RBM6: variants seen among roughly 807,000 people sequenced by gnomAD.
RBM6 encodes the protein RNA-binding protein 6.
A neutral mutation model predicts 140.4 loss-of-function variants in RBM6; 23 were observed. The observed-to-expected ratio is 0.16, with a 90% CI of 0.12 to 0.23. RBM6 has a LOEUF of 0.23. RBM6 is among the 10% of genes least tolerant of loss of function. The probability of loss-of-function intolerance (pLI) is 1.00; values close to 1 mark genes in which losing one functional copy is unlikely to be tolerated. For synonymous variants in RBM6, 439 were observed against 475.6 expected (o/e 0.92, Z 1.00); for missense variants, 1,139 against 1,386.7 (o/e 0.82, Z 2.84).
chr3:50,047,248 C>G (rs1278186669), intron 6 of RBM6: 3 of 984,890 alleles, frequency 3.0e-6, no homozygotes, highest in Middle Eastern at 5.2e-4. Flanking sequence ...ACTCAGAGCC[C>G]TGTCTGAGGA....
At chr3:50,053,536 G>GA (rs200999068) in intron 7 of RBM6, among the ~76,000 whole-genome samples, 4,588 of 134,044 alleles carry the variant, frequency 0.034, 265 homozygotes, top group African/African-American at 0.12. Flanking sequence ...CGTCTCAAAA[G>GA]AAAAAAAAAA....
intron 5 of RBM6, chr3:49,981,791 A>G (rs1390829263): frequency 1.3e-5 from 2 of 152,068 alleles, no homozygotes; most frequent in Non-Finnish European, 2.9e-5. Context: ...TCATTCACAC[A>G]GTGTTTCTGT....
chr3:49,975,750 G>A (rs1199646774), intron 5 of RBM6, among the ~76,000 whole-genome samples: 10 of 152,314 alleles, frequency 6.6e-5, no homozygotes, highest in South Asian at 4.1e-4. Context: ...CTTGTTGTAT[G>A]TAAAATTTTA....
chr3:50,062,262 T>C (rs1007471622), intron 15 of RBM6, among the ~76,000 whole-genome samples, 154 bp downstream of exon 15: 9 of 152,192 alleles, frequency 5.9e-5, no homozygotes, highest in African/African-American at 2.2e-4. Flanking sequence ...CCCAGCACTT[T>C]GGGAGGCCAA....
In RBM6 at chr3:49,968,136, C is replaced by T. The variant is rs373090659; in HGVS notation, c.711C>T (p.Gly237=). 1.9e-6 allele frequency: 3 copies of T among 1,613,894 alleles called. No individual in the cohort carries two copies. The highest frequency in any genetic ancestry group is 2.7e-5 in the African/African-American group (2 of 74,868). The change falls in exon 3 of 21, where the codon GGC becomes GGT. Residue 237 remains glycine (G), a synonymous_variant. Coordinates refer to ENST00000266022, the MANE Select transcript of RBM6 (RefSeq NM_005777.3). ...ACGGAACACAAGTAGACTTTAGAGG[C>T]CGAGGTTCAGGTACTACTGATCTAG... ...DKDGTQVDFR[G]RGSGTTDLDF... is the part of the protein sequence containing the mutation.
intron 6 of RBM6, among the ~76,000 whole-genome samples, chr3:50,022,685 A>G (rs1324892782): frequency 1.3e-5 from 2 of 152,032 alleles, no homozygotes; most frequent in African/African-American, 2.4e-5. Flanking sequence ...TTTACATTTG[A>G]TTATTAGTTA....
At chr3:49,973,991 G>A (rs372329364) in intron 4 of RBM6, among the ~76,000 whole-genome samples, 31 of 152,012 alleles carry the variant, frequency 2.0e-4, no homozygotes, top group Admixed American at 2.0e-4. Context: ...TCCGCCTCTC[G>A]GGTTCAAATG....
rs759710746 is a variant in RBM6, at chr3:49,968,556, G to C, written c.1131G>C (p.Glu377Asp). The C allele has an allele frequency of 6.2e-7, 1 of 1,614,058 alleles. No individual in the cohort carries two copies. Among genetic ancestry groups the C allele is most frequent in the Non-Finnish European group, 8.5e-7 (1 of 1,180,042 alleles). ...QDKSQLSGRE[E>D]QSSDAGLFKE... is the part of the protein sequence containing the mutation. ...AGTCACAGCTTTCTGGACGTGAAGA[G>C]CAGAGTTCAGATGCTGGTCTGTTTA... Residue 377 changes from glutamate to aspartate, a missense_variant, in exon 3 of 21, where the codon GAG becomes GAC. Glu to Asp is a conservative substitution (Grantham distance 45, BLOSUM62 2). This residue lies in a region of RBM6 where 566 missense variants were observed against 612.7 expected (regional missense o/e 0.92). Transcript: ENST00000266022.
At chr3:49,965,501 C>G (rs1002868979) in intron 2 of RBM6, among the ~76,000 whole-genome samples, 1 of 152,036 alleles carries the variant, frequency 6.6e-6, no homozygotes, top group Non-Finnish European at 1.5e-5. Context: ...AACCCCGCCT[C>G]TACAAAAAAT....
chr3:50,061,560 C>CTTTTTTTTTTTTTT lies in RBM6; in HGVS notation c.2439+24_2439+37dup, dbSNP rs10663019. 6.6e-5 allele frequency: 84 copies of CTTTTTTTTTTTTTT among 1,270,280 alleles called. No individual in the cohort carries two copies. The highest frequency in any genetic ancestry group is 6.1e-4 in the South Asian group (31 of 50,848). 78.7% of individuals were successfully genotyped at this position (1,270,280 alleles called of 1,614,324 possible). Reference sequence around the variant, plus strand: ...CCCCAATACCCAGGTGAGTTTGGGGCTTTTTTTTTTTTTTTTTTTTTTTTA... The same window carrying CTTTTTTTTTTTTTT: ...CCCCAATACCCAGGTGAGTTTGGGGCTTTTTTTTTTTTTTTTTTTTTTTTTTTTTTTTTTTTTTA... On this transcript the variant is annotated intron_variant, in intron 14 of 20. Coordinates refer to ENST00000266022, the MANE Select transcript of RBM6 (RefSeq NM_005777.3).
chr3:49,948,415 T>G (rs561109891), intron 1 of RBM6, among the ~76,000 whole-genome samples: 120 of 152,130 alleles, frequency 7.9e-4, no homozygotes, highest in Admixed American at 4.0e-3. Flanking sequence ...TTCCAGCTAC[T>G]CAGGAGGCTA....
chr3:50,025,080 GT>G (rs111449769), intron 6 of RBM6, among the ~76,000 whole-genome samples: 4,756 of 146,550 alleles, frequency 0.032, 80 homozygotes, highest in Non-Finnish European at 0.04. Context: ...TGGACTGTGG[GT>G]TTTTTTTTTT....
At chr3:49,975,469 A>G in intron 5 of RBM6, 77 bp downstream of exon 5, 1 of 1,265,364 alleles carries the variant, frequency 7.9e-7, no homozygotes, top group Non-Finnish European at 1.1e-6. Context: ...GCTACTTAAA[A>G]TTTGTTTCAA....
At chr3:49,989,206 A>G (rs1481771126) in intron 5 of RBM6, among the ~76,000 whole-genome samples, 1 of 152,190 alleles carries the variant, frequency 6.6e-6, no homozygotes, top group African/African-American at 2.4e-5. Flanking sequence ...AGAAAATATT[A>G]TTCAGGTATA....
chr3:49,955,085 A>G (rs1054900661), intron 1 of RBM6, among the ~76,000 whole-genome samples: 3 of 151,434 alleles, frequency 2.0e-5, no homozygotes, highest in Admixed American at 6.6e-5. Flanking sequence ...AACTTAATAC[A>G]TAATAGCTTA....
At chr3:49,969,166 A>G (rs1262322191) in intron 3 of RBM6, among the ~76,000 whole-genome samples, 2 of 151,680 alleles carry the variant, frequency 1.3e-5, no homozygotes, top group Non-Finnish European at 2.9e-5. Flanking sequence ...CAGGGATTGC[A>G]GGCATGTGCC....
intron 20 of RBM6, among the ~76,000 whole-genome samples, chr3:50,075,944 G>A (rs887889456): frequency 1.3e-5 from 2 of 151,334 alleles, no homozygotes; most frequent in African/African-American, 4.9e-5. Flanking sequence ...TTCATCTTGG[G>A]TATTTGTTTA....
intron 17 of RBM6, among the ~76,000 whole-genome samples, chr3:50,067,345 C>T (rs1392860433): frequency 3.9e-5 from 6 of 152,110 alleles, no homozygotes; most frequent in South Asian, 2.1e-4. Flanking sequence ...ATGTATAGGC[C>T]GAAGCCAAGC....
chr3:49,984,596 A>ATCG (rs2085459681), intron 5 of RBM6, among the ~76,000 whole-genome samples: 1 of 86,356 alleles, frequency 1.2e-5, no homozygotes, highest in African/African-American at 6.5e-5. Flanking sequence ...ACATCACATC[A>ATCG]CATCACATCA....
Sources: allele counts gnomAD v4.1 joint callset (sites outside exome capture counted in the v4.1 genomes callset), GRCh38; gene constraint gnomAD v4.1.1; regional missense constraint gnomAD v4.1.1; transcripts MANE v1.5; gene names NCBI Gene and HGNC (gene_info 2026-07-23, HGNC 2026-07-21).